The following APAF1 variants were observed in gnomAD, a reference collection of about 807,000 sequenced individuals.
APAF1 encodes apoptotic peptidase activating factor 1.
APAF1 carries 91 observed loss-of-function variants against 152.4 expected under a neutral mutation model. The ratio of observed to expected loss-of-function variants is 0.60; its 90% CI spans 0.50 to 0.71. The LOEUF (loss-of-function observed/expected upper bound fraction) is 0.71. APAF1 is among the 30% of genes least tolerant of loss of function. The pLI, the probability that APAF1 is intolerant of heterozygous loss-of-function variation, is 0.00. For synonymous variants in APAF1, 484 were observed against 494.1 expected (o/e 0.98, Z 0.27); for missense variants, 1,283 against 1,472.0 (o/e 0.87, Z 2.10).
At chr12:98,707,971 G>C (rs893804215) in intron 19 of APAF1, among the ~76,000 whole-genome samples, 61 of 152,256 alleles carry the variant, frequency 4.0e-4, no homozygotes, top group African/African-American at 1.4e-3. Context: ...TTTTGAGACG[G>C]AGTCTCGCTC....
At chr12:98,653,766 T>A (rs2153308981) in intron 4 of APAF1, among the ~76,000 whole-genome samples, 1 of 137,732 alleles carries the variant, frequency 7.3e-6, no homozygotes, top group Admixed American at 7.5e-5. Flanking sequence ...AGTAACCCAG[T>A]TGTCTTTTGA....
In APAF1 at chr12:98,723,619, G is replaced by A. The variant is rs989827889; in HGVS notation, c.3205-20G>A. On this transcript the variant is annotated intron_variant, in intron 23 of 26. Transcript: ENST00000551964. ...TTCTTAAAAGTGTCAACCTCCAAGT[G>A]TTTTTTTTTTTTTTTTAAGGTATGG... The A allele has an allele frequency of 1.5e-6, 2 of 1,366,724 alleles. No individual in the cohort carries two copies. Among genetic ancestry groups the A allele is most frequent in the Non-Finnish European group, 2.0e-6 (2 of 999,874 alleles). The allele number at this position is 1,366,724 out of a possible 1,614,324, so 84.7% of individuals were successfully genotyped here. A position where few individuals can be genotyped will look rare whatever the true frequency, so the allele number is the denominator to read the frequency against.
intron 16 of APAF1, among the ~76,000 whole-genome samples, chr12:98,691,559 C>G: frequency 6.6e-6 from 1 of 152,060 alleles, no homozygotes; most frequent in East Asian, 1.9e-4. Context: ...TCCCTGTATT[C>G]CCTTGAAGAA....
chr12:98,654,816 C>CTTTTTTTTTTTTTTTTTTTTATTTTT (rs758991431), intron 4 of APAF1, among the ~76,000 whole-genome samples: 5 of 116,786 alleles, frequency 4.3e-5, no homozygotes, highest in Non-Finnish European at 6.9e-5. Context: ...GTAGTATTTT[C>CTTTTTTTTTTTTTTTTTTTTATTTTT]TTTTTTTTTT....
intron 26 of APAF1, among the ~76,000 whole-genome samples, chr12:98,729,176 G>A (rs532177769): frequency 1.3e-5 from 2 of 152,252 alleles, no homozygotes; most frequent in East Asian, 3.8e-4. Flanking sequence ...GGGAATGCTT[G>A]AAGTGAGTCT....
chr12:98,734,102 G>C lies in APAF1; in HGVS notation c.*1536G>C, dbSNP rs748981340. On this transcript the variant is annotated 3_prime_UTR_variant, in exon 27 of 27. Transcript: ENST00000551964. ...CTTTTAGATGAATGGCATTGTGAAT[G>C]CCATTCTTTTAATGAATTTCAAGAG... is the stretch of plus-strand genomic sequence containing the variant. The C allele has an allele frequency of 1.3e-5, 2 of 152,190 alleles. No homozygotes were observed. The highest frequency in any genetic ancestry group is 2.4e-5 in the African/African-American group (1 of 41,440). The allele number at this position is 152,190 out of a possible 1,614,324, so 9.4% of individuals were successfully genotyped here. A position where few individuals can be genotyped will look rare whatever the true frequency, so the allele number is the denominator to read the frequency against.
intron 4 of APAF1, among the ~76,000 whole-genome samples, chr12:98,653,675 AAAAAAAAAAAAAAAAAATATAT>A (rs2097651896): frequency 1.5e-5 from 1 of 65,054 alleles, no homozygotes; most frequent in African/African-American, 5.5e-5. Flanking sequence ...AAAAAAAAAA[AAAAAAAAAAAAAAAAAATATAT>A]ATATATATAT....
chr12:98,662,868 A>G (rs2097667319), intron 7 of APAF1, 62 bp downstream of exon 7: 1 of 1,508,716 alleles, frequency 6.6e-7, no homozygotes, highest in Non-Finnish European at 9.1e-7. Context: ...CCTTTTGTTA[A>G]TTGAGCTAAT....
chr12:98,728,483 G>A (rs2097754587), intron 26 of APAF1, among the ~76,000 whole-genome samples: 1 of 152,156 alleles, frequency 6.6e-6, no homozygotes, highest in African/African-American at 2.4e-5. Flanking sequence ...ACTTTGGGAG[G>A]CCAAGGCGGG....
intron 17 of APAF1, among the ~76,000 whole-genome samples, chr12:98,699,796 G>A (rs73378440): frequency 0.028 from 4,257 of 152,260 alleles, 203 homozygotes; most frequent in African/African-American, 0.097. Flanking sequence ...GTTTTGTATT[G>A]CTTTCCCCTA....
rs774171361 is a variant in APAF1, at chr12:98,659,248, G to A, written c.615G>A (p.Arg205=). ...TGAAACTGCAGAATCTTTGCACACG[G>A]TTGGATCAGGATGAGAGTTTTTCCC... is the stretch of plus-strand genomic sequence containing the variant. ...LLMKLQNLCT[R]LDQDESFSQR... Residue 205 remains arginine (R), a synonymous_variant, in exon 5 of 27, where the codon CGG becomes CGA. Transcript: ENST00000551964. The A allele has an allele frequency of 2.5e-6, 4 of 1,614,204 alleles. No individual in the cohort carries two copies. Among genetic ancestry groups the A allele is most frequent in the South Asian group, 1.1e-5 (1 of 91,082 alleles).
chr12:98,669,105 G>T (rs951196635), intron 10 of APAF1, among the ~76,000 whole-genome samples: 3 of 152,000 alleles, frequency 2.0e-5, no homozygotes, highest in African/African-American at 7.2e-5. Flanking sequence ...GTGTATATTG[G>T]AATGATGGTA....
intron 22 of APAF1, among the ~76,000 whole-genome samples, chr12:98,719,249 T>G (rs925229759): frequency 2.6e-5 from 4 of 152,218 alleles, no homozygotes; most frequent in African/African-American, 9.6e-5. Context: ...AATACTTATA[T>G]TCTTAGCCCC....
chr12:98,672,830 C>T lies in APAF1; in HGVS notation c.1793+1111C>T, dbSNP rs886166018. Among the ~76,000 whole-genome samples, 11 of 152,020 alleles carry T rather than the reference C, an allele frequency of 7.2e-5. No homozygotes were observed. In the South Asian group the frequency reaches 1.0e-3, roughly 14 times the overall value. ...AGTGCAATGGCACGATCTCCGCTCA[C>T]GGCAACCTCCTCCTCCTGGGTTCAA... On this transcript the variant is annotated intron_variant, in intron 12 of 26. Coordinates refer to ENST00000551964, the MANE Select transcript of APAF1 (RefSeq NM_181861.2).
At chr12:98,655,456 G>A (rs2097655876) in intron 4 of APAF1, among the ~76,000 whole-genome samples, 1 of 150,806 alleles carries the variant, frequency 6.6e-6, no homozygotes, top group South Asian at 2.1e-4. Context: ...GCCGGGCAGG[G>A]GGCTGACCCC....
intron 16 of APAF1, among the ~76,000 whole-genome samples, chr12:98,694,446 TTAAAA>T: frequency 6.6e-6 from 1 of 152,288 alleles, no homozygotes; most frequent in East Asian, 1.9e-4. Flanking sequence ...TGTTTCTGGA[TTAAAA>T]TTTTTTTTCC....
At chr12:98,657,819 C>T (rs1403515187) in intron 4 of APAF1, among the ~76,000 whole-genome samples, 2 of 152,160 alleles carry the variant, frequency 1.3e-5, no homozygotes, top group Non-Finnish European at 2.9e-5. Flanking sequence ...TCAGTTTCCT[C>T]ATTTTCAAAA....
intron 4 of APAF1, among the ~76,000 whole-genome samples, chr12:98,651,769 C>T (rs2097649290): frequency 6.6e-6 from 1 of 152,058 alleles, no homozygotes; most frequent in Admixed American, 6.6e-5. Flanking sequence ...AAGTGATCCT[C>T]CCACCTTAGC....
chr12:98,673,173 A>C (rs1593049257), intron 12 of APAF1, among the ~76,000 whole-genome samples: 1 of 152,048 alleles, frequency 6.6e-6, no homozygotes, highest in East Asian at 1.9e-4. Flanking sequence ...TGACTTGCTG[A>C]ATGGGATTTA....
Sources: gnomAD v4.1 joint callset for allele counts (sites outside exome capture counted in the v4.1 genomes callset) on GRCh38, gnomAD v4.1.1 for gene constraint, MANE v1.5 for transcripts, NCBI Gene and HGNC (gene_info 2026-07-23, HGNC 2026-07-21) for gene names.